The following NFIC variants were observed in gnomAD, a reference collection of about 807,000 sequenced individuals.
NFIC encodes the protein nuclear factor I C.
Under a neutral mutation model 54.4 loss-of-function variants are expected in NFIC, and 12 were observed. The ratio of observed to expected loss-of-function variants is 0.22; its 90% confidence interval spans 0.14 to 0.36. The LOEUF (loss-of-function observed/expected upper bound fraction) is 0.36, where lower values mean the gene tolerates loss of function less well. Among genes scored for constraint, NFIC ranks in the 10% least tolerant of loss-of-function variants. The pLI is 1.00. For missense variants in NFIC, 575 were observed against 718.2 expected (o/e 0.80, Z 2.28); for synonymous variants, 322 against 319.2 (o/e 1.01, Z -0.09).
chr19:3,395,475 G>T (rs368766824), intron 2 of NFIC, among the ~76,000 whole-genome samples: 2 of 148,838 alleles, frequency 1.3e-5, no homozygotes, highest in Non-Finnish European at 3.0e-5. Context: ...GATTACAGGC[G>T]CATACCACCA....
At chr19:3,462,690 T>C in intron 10 of NFIC, 62 bp from the exon 11 acceptor site, 3 of 1,577,466 alleles carry the variant, frequency 1.9e-6, no homozygotes, top group Non-Finnish European at 8.7e-7. Flanking sequence ...CAGCAGAGTC[T>C]GACCCCTCGA....
chr19:3,418,359 A>T (rs1017306120), intron 2 of NFIC, among the ~76,000 whole-genome samples: 2 of 152,012 alleles, frequency 1.3e-5, no homozygotes, highest in Non-Finnish European at 2.9e-5. Context: ...GGCTTTCCAA[A>T]GTACCGAGAT....
intron 2 of NFIC, among the ~76,000 whole-genome samples, chr19:3,399,823 A>G (rs2081525664): frequency 6.6e-6 from 1 of 152,136 alleles, no homozygotes; most frequent in African/African-American, 2.4e-5. Context: ...GTGAGCCGAG[A>G]TCGTGCCACT....
chr19:3,399,609 T>C (rs915221739), intron 2 of NFIC, among the ~76,000 whole-genome samples: 23 of 151,022 alleles, frequency 1.5e-4, no homozygotes, highest in Non-Finnish European at 2.8e-4. Context: ...TGGTGGCTCA[T>C]GCCTATAATC....
At chr19:3,386,285 C>T (rs950527692) in intron 2 of NFIC, among the ~76,000 whole-genome samples, 2 of 150,958 alleles carry the variant, frequency 1.3e-5, no homozygotes, top group African/African-American at 4.9e-5. Flanking sequence ...TCACAGCTGC[C>T]CTGTGAGGCA....
At chr19:3,440,110 G>C (rs1275015525) in intron 6 of NFIC, among the ~76,000 whole-genome samples, 1 of 152,170 alleles carries the variant, frequency 6.6e-6, no homozygotes, top group Admixed American at 6.5e-5. Context: ...GATGATTTAA[G>C]TGGATTTATC....
intron 6 of NFIC, among the ~76,000 whole-genome samples, chr19:3,441,414 A>G (rs991392220): frequency 6.6e-6 from 1 of 152,172 alleles, no homozygotes; most frequent in Admixed American, 6.5e-5. Context: ...CCATCAGTTG[A>G]CAAGTGGGGA....
chr19:3,395,959 C>A (rs1407538516), intron 2 of NFIC, among the ~76,000 whole-genome samples: 4 of 152,084 alleles, frequency 2.6e-5, no homozygotes, highest in Admixed American at 6.6e-5. Context: ...CCATGCCCGG[C>A]CTTATTTTTA....
At chr19:3,461,660 T>G (rs2082640842) in intron 10 of NFIC, among the ~76,000 whole-genome samples, 1 of 142,422 alleles carries the variant, frequency 7.0e-6, no homozygotes, top group Non-Finnish European at 1.5e-5. Context: ...GAAGCGGAGG[T>G]TGTAGAGAGC....
intron 2 of NFIC, among the ~76,000 whole-genome samples, chr19:3,391,612 T>C (rs143560960): frequency 0.027 from 4,152 of 151,902 alleles, 194 homozygotes; most frequent in African/African-American, 0.095. Context: ...GCCTGGCCAA[T>C]ATGGCAAAAC....
intron 1 of NFIC, among the ~76,000 whole-genome samples, chr19:3,379,358 G>A (rs544638974): frequency 5.4e-5 from 8 of 149,064 alleles, no homozygotes; most frequent in African/African-American, 1.7e-4. Flanking sequence ...GCGCCCAGCC[G>A]GGTTTTTTTT....
In NFIC at chr19:3,467,751, T is replaced by C. The variant is rs1202637608; in HGVS notation, c.*4982T>C. The stretch of plus-strand genomic sequence containing the variant: ...TACTTTGACCTCCAGTGTAGGGCTA[T>C]ACTATACATATATATATATATATAT... On this transcript the variant is annotated 3_prime_UTR_variant, in exon 11 of 11. Coordinates refer to ENST00000443272, the MANE Select transcript of NFIC (RefSeq NM_001245002.2). 2.0e-5 allele frequency: 1 copy of C among 50,030 alleles called. No individual in the cohort carries two copies. Among genetic ancestry groups the C allele is most frequent in the African/African-American group, 1.5e-4 (1 of 6,884 alleles). The allele number at this position is 50,030 out of a possible 1,614,324, so 3.1% of individuals were successfully genotyped here.
At chr19:3,413,796 C>T (rs541834891) in intron 2 of NFIC, among the ~76,000 whole-genome samples, 1 of 152,118 alleles carries the variant, frequency 6.6e-6, no homozygotes, top group African/African-American at 2.4e-5. Flanking sequence ...ACCACCACGC[C>T]AGGCTAGTTT....
rs2082496358 is a variant in NFIC, at chr19:3,453,249, A to T, written c.1270-514A>T. On this transcript the variant is annotated intron_variant, in intron 8 of 10. Transcript: ENST00000443272. The surrounding 1 kb of genome is among the most constrained non-coding windows in gnomAD (Gnocchi z 6.7). The stretch of plus-strand genomic sequence containing the variant: ...ACGAGACCCTGTCTCAAAAAGAAAA[A>T]AAAGGTTGGGGGGCGGGGGGCAGGA... Among the ~76,000 whole-genome samples, 1 of 152,028 alleles carries T rather than the reference A, an allele frequency of 6.6e-6. No homozygotes were observed. Among genetic ancestry groups the T allele is most frequent in the Admixed American group, 6.6e-5 (1 of 15,252 alleles).
intron 10 of NFIC, among the ~76,000 whole-genome samples, chr19:3,461,270 A>C (rs1360020451): frequency 6.6e-6 from 1 of 151,898 alleles, no homozygotes; most frequent in African/African-American, 2.4e-5. Flanking sequence ...AAAAAAAAAA[A>C]AAACTAGTCA....
intron 2 of NFIC, among the ~76,000 whole-genome samples, chr19:3,395,000 A>C (rs1437591977): frequency 2.0e-5 from 3 of 152,126 alleles, no homozygotes; most frequent in Admixed American, 6.6e-5. Flanking sequence ...GCAGATCTCC[A>C]GTCTCCCAAG....
chr19:3,365,834 G>T (rs2080872269), upstream of NFIC, among the ~76,000 whole-genome samples: 1 of 151,058 alleles, frequency 6.6e-6, no homozygotes, highest in South Asian at 2.1e-4. Flanking sequence ...AGCCTCCCGT[G>T]TTAGCCTGGG....
chr19:3,413,576 G>A (rs2081800105), intron 2 of NFIC, among the ~76,000 whole-genome samples: 1 of 152,068 alleles, frequency 6.6e-6, no homozygotes, highest in Non-Finnish European at 1.5e-5. Context: ...GAGTTACAAA[G>A]ATTTGTGAGG....
intron 2 of NFIC, among the ~76,000 whole-genome samples, chr19:3,383,741 C>G (rs544919729): frequency 6.6e-6 from 1 of 152,176 alleles, no homozygotes; most frequent in South Asian, 2.1e-4. Flanking sequence ...CAGACGCAGA[C>G]CCACACAGGT....
Sources: allele counts gnomAD v4.1 joint callset (sites outside exome capture counted in the v4.1 genomes callset), GRCh38; gene constraint gnomAD v4.1.1; non-coding constraint Gnocchi (gnomAD v3.1); transcripts MANE v1.5; gene names NCBI Gene and HGNC (gene_info 2026-07-23, HGNC 2026-07-21).